The following ZSCAN12 variants were observed in gnomAD, a reference collection of about 807,000 sequenced individuals.
ZSCAN12 encodes the protein zinc finger and SCAN domain containing 12, also known as zinc finger and SCAN domain-containing protein 12.
Under a neutral mutation model 23.4 loss-of-function variants are expected in ZSCAN12, and 18 were observed. That is an observed-to-expected ratio of 0.77 (90% CI 0.53 to 1.14). The LOEUF (loss-of-function observed/expected upper bound fraction) is 1.14. Among genes scored for constraint, ZSCAN12 ranks in the 50% most tolerant of loss-of-function variants. The pLI, the probability that ZSCAN12 is intolerant of heterozygous loss-of-function variation, is 0.00. For missense variants in ZSCAN12, 650 were observed against 735.0 expected (o/e 0.88, Z 1.34); for synonymous variants, 186 against 253.4 (o/e 0.73, Z 2.53).
In ZSCAN12 at chr6:28,390,544, T is replaced by C. The variant is rs776172689; in HGVS notation, c.1746A>G (p.Val582=). The C allele has an allele frequency of 5.0e-5, 79 of 1,567,870 alleles. 2 individuals carry two copies. The South Asian group carries it at 7.0e-4, about 14-fold the overall frequency. ...QRIHNRRGTY[V]CKECGKSFRQ... is the part of the protein sequence containing the mutation. Reference sequence around the variant, plus strand: ...TGAATGATTTCCCACACTCTTTACATACATAGGTACCACGTCTATTATGGA... The same window carrying C: ...TGAATGATTTCCCACACTCTTTACACACATAGGTACCACGTCTATTATGGA... Residue 582 remains valine (V), a synonymous_variant, in exon 4 of 4, where the codon GTA becomes GTG. Coordinates refer to ENST00000684592, the MANE Select transcript of ZSCAN12 (RefSeq NM_001163391.2).
downstream of ZSCAN12, among the ~76,000 whole-genome samples, chr6:28,384,180 A>G (rs920204293): frequency 6.6e-6 from 1 of 152,194 alleles, no homozygotes; most frequent in Non-Finnish European, 1.5e-5. Flanking sequence ...GGCCAGAGGA[A>G]GCTGCAGAGT....
Position 28,390,994 on chromosome 6 carries a change from A to G in ZSCAN12, c.1296T>C (p.His432=), listed in dbSNP as rs1424817124. 4 of 1,556,060 alleles carry G rather than the reference A, an allele frequency of 2.6e-6. No individual in the cohort carries two copies. The highest frequency in any genetic ancestry group is 3.5e-6 in the Non-Finnish European group (4 of 1,149,416). ...ATTTTTCTTTGTGGTGGATTTCCTG[A>G]TGGGAAACAAGGGATGAGTTATAAA... ...AFVYNSSLVS[H]QEIHHKEKCY... is the part of the protein sequence containing the mutation. The change falls in exon 4 of 4, where the codon CAT becomes CAC. Residue 432 remains histidine (H), a synonymous_variant. Transcript: ENST00000684592.
At position 28,389,400 on chromosome 6, in the gene ZSCAN12, CTTGTG is replaced by C. The variant is rs1760703202; in HGVS notation, c.*1049_*1053del. Among the ~76,000 whole-genome samples, 2 of 152,160 alleles carry C rather than the reference CTTGTG, an allele frequency of 1.3e-5. No homozygotes were observed. The highest frequency in any genetic ancestry group is 6.5e-5 in the Admixed American group (1 of 15,274). On this transcript the variant is annotated 3_prime_UTR_variant, in exon 4 of 4. Coordinates refer to ENST00000684592, the MANE Select transcript of ZSCAN12 (RefSeq NM_001163391.2). ...GGCACATGTTCCCTGTAAGGATCTC[CTTGTG>C]CTAAAAGTCTGCAGTGGCCTTTAGT...
In ZSCAN12 at chr6:28,391,633, C is replaced by G; in HGVS notation, c.657G>C (p.Lys219Asn). 1 of 1,552,172 alleles carries G rather than the reference C, an allele frequency of 6.4e-7. No individual in the cohort carries two copies. Among genetic ancestry groups the G allele is most frequent in the East Asian group, 2.4e-5 (1 of 40,928 alleles). ...CACGAGTTTCTCCACACCTAGCAGA[C>G]TTGGACATATCATTTTCAAATTTAC... ...TSSKFENDMS[K>N]SARCGETREP... The change falls in exon 4 of 4, where the codon AAG (lysine) becomes AAC (asparagine). Residue 219 changes from lysine to asparagine, a missense_variant. Physicochemically the swap from Lys to Asn is moderately conservative, Grantham distance 94 (BLOSUM62 0). Coordinates refer to ENST00000684592, the MANE Select transcript of ZSCAN12 (RefSeq NM_001163391.2). This position sits in a 1 kb window ranked among gnomAD's most constrained non-coding sequence, Gnocchi z 4.1.
At chr6:28,395,171 G>A (rs548675142) in intron 2 of ZSCAN12, among the ~76,000 whole-genome samples, 53 of 152,118 alleles carry the variant, frequency 3.5e-4, no homozygotes, top group African/African-American at 1.2e-3. Flanking sequence ...CTGACCTCAG[G>A]TGATCTGCCC....
At chr6:28,383,402 AG>A (rs1463169628), downstream of ZSCAN12, among the ~76,000 whole-genome samples, 6 of 152,202 alleles carry the variant, frequency 3.9e-5, no homozygotes, top group African/African-American at 1.4e-4. Context: ...AAGGCCAGAA[AG>A]GTCGGTACTT....
At position 28,391,505 on chromosome 6, in the gene ZSCAN12, G is replaced by A; in HGVS notation, c.785C>T (p.Thr262Ile). The change falls in exon 4 of 4, where the codon ACT becomes ATT. Residue 262 changes from threonine (T) to isoleucine (I), a missense_variant. Thr to Ile is a moderately conservative substitution (Grantham distance 89). Transcript: ENST00000684592. This position sits in a 1 kb window ranked among gnomAD's most constrained non-coding sequence, Gnocchi z 4.1. ...TCCTGGACAGATTCTCTGATGTTCA[G>A]TATGGTCAGAGTTCTCAGTCAGGCT... Reference protein sequence around the residue: ...GVSLTENSDHTEHQRICPGEE... With the variant: ...GVSLTENSDHIEHQRICPGEE... The A allele has an allele frequency of 6.4e-7, 1 of 1,552,038 alleles. No individual in the cohort carries two copies. The highest frequency in any genetic ancestry group is 8.7e-7 in the Non-Finnish European group (1 of 1,147,070).
At chr6:28,383,428 C>G (rs151265504), downstream of ZSCAN12, among the ~76,000 whole-genome samples, 1 of 152,264 alleles carries the variant, frequency 6.6e-6, no homozygotes, top group African/African-American at 2.4e-5. Flanking sequence ...GTGCCGCTGC[C>G]GTCAACGGCT....
At chr6:28,398,617 T>G (rs1367950904) in intron 1 of ZSCAN12, 144 bp from the exon 2 acceptor site, 1 of 511,558 alleles carries the variant, frequency 2.0e-6, no homozygotes, top group Admixed American at 3.5e-5. Context: ...TAGAAAAGAC[T>G]TAAGATTAGA....
chr6:28,382,296 T>C (rs1760286634), downstream of ZSCAN12: 1 of 752,730 alleles, frequency 1.3e-6, no homozygotes, highest in Non-Finnish European at 1.9e-6. Flanking sequence ...CTAAGTCTTC[T>C]GACAGCTCTG....
In ZSCAN12 at chr6:28,389,609, TAAAC is replaced by T. The variant is rs760080054; in HGVS notation, c.*841_*844del. 2.2e-4 allele frequency among the ~76,000 whole-genome samples: 34 copies of T among 152,270 alleles called. No individual in the cohort carries two copies. Among genetic ancestry groups the T allele is most frequent in the Non-Finnish European group, 4.0e-4 (27 of 68,012 alleles). On this transcript the variant is annotated 3_prime_UTR_variant, in exon 4 of 4. Transcript: ENST00000684592. ...GAATGTGAGTGGGATTCAGGGATGTTAAACAAGCTCCAAACATGATTTTGATGTT... is the reference window on the plus strand; with the variant it reads ...GAATGTGAGTGGGATTCAGGGATGTTAAGCTCCAAACATGATTTTGATGTT...
chr6:28,385,383 T>C lies in ZSCAN12; in HGVS notation c.*5071A>G, dbSNP rs1408003749. On this transcript the variant is annotated 3_prime_UTR_variant, in exon 4 of 4. Transcript: ENST00000684592. ...TATGCTGGCCAAACCTCATCCAAGA[T>C]TTGGTATGCAGAGGGGGTGATAATA... Among the ~76,000 whole-genome samples the C allele has an allele frequency of 6.6e-6, 1 of 152,170 alleles. No individual in the cohort carries two copies. The highest frequency in any genetic ancestry group is 1.5e-5 in the Non-Finnish European group (1 of 68,028).
chr6:28,390,645 C>A lies in ZSCAN12; in HGVS notation c.1645G>T (p.Gly549Trp). Reference protein sequence around the residue: ...SLIQHQRIHTGEKPYQCDECG... With the variant: ...SLIQHQRIHTWEKPYQCDECG... ...TCATCACATTGGTAGGGCTTCTCCC[C>A]AGTGTGGATTCTCTGATGCTGAATG... The change falls in exon 4 of 4, where the codon GGG becomes TGG. Residue 549 changes from glycine to tryptophan, a missense_variant. Gly to Trp is a radical substitution (Grantham distance 184). Coordinates refer to ENST00000684592, the MANE Select transcript of ZSCAN12 (RefSeq NM_001163391.2). 6.2e-7 allele frequency: 1 copy of A among 1,613,484 alleles called. No homozygotes were observed. The highest frequency in any genetic ancestry group is 8.5e-7 in the Non-Finnish European group (1 of 1,179,728).
downstream of ZSCAN12, among the ~76,000 whole-genome samples, chr6:28,383,184 T>C (rs1760365532): frequency 6.6e-6 from 1 of 152,136 alleles, no homozygotes; most frequent in South Asian, 2.1e-4. Context: ...ATCACATAAT[T>C]TCCCCAAATG....
In ZSCAN12 at chr6:28,389,133, A is replaced by G. The variant is rs1256210554; in HGVS notation, c.*1321T>C. Among the ~76,000 whole-genome samples the G allele has an allele frequency of 1.3e-5, 2 of 152,234 alleles. No homozygotes were observed. The highest frequency in any genetic ancestry group is 2.9e-5 in the Non-Finnish European group (2 of 68,042). On this transcript the variant is annotated 3_prime_UTR_variant, in exon 4 of 4. Transcript: ENST00000684592. ...CAAGAGCCATTATTAGGGAATTCAG[A>G]ACATAGTGCTAACATGAGATCTGAG...
In ZSCAN12 at chr6:28,399,652, C is replaced by G. The variant is rs1160495082; in HGVS notation, c.-69+5G>C. 1 of 152,578 alleles carries G rather than the reference C, an allele frequency of 6.6e-6. No individual in the cohort carries two copies. The highest frequency in any genetic ancestry group is 1.9e-4 in the East Asian group (1 of 5,192). 9.5% of individuals were successfully genotyped at this position (152,578 alleles called of 1,614,324 possible). On this transcript the variant is annotated splice_donor_5th_base_variant and intron_variant, in intron 1 of 3. Coordinates refer to ENST00000684592, the MANE Select transcript of ZSCAN12 (RefSeq NM_001163391.2). The stretch of plus-strand genomic sequence containing the variant: ...TCGCAGCGTACAGAGCACAACATCG[C>G]TCACCTGCGGCCCCCAGGGCCAGAA...
rs1045142365 is a variant in ZSCAN12, at chr6:28,384,814, C to T, written c.*5640G>A. 2.6e-5 allele frequency among the ~76,000 whole-genome samples: 4 copies of T among 152,098 alleles called. No individual in the cohort carries two copies. The highest frequency in any genetic ancestry group is 7.2e-5 in the African/African-American group (3 of 41,416). ...TAATGTGTGAGGACTCCTTACCAAA[C>T]GCACACAGAACGTTTGAGAGGGAGA... is the stretch of plus-strand genomic sequence containing the variant. On this transcript the variant is annotated 3_prime_UTR_variant, in exon 4 of 4. Coordinates refer to ENST00000684592, the MANE Select transcript of ZSCAN12 (RefSeq NM_001163391.2).
chr6:28,399,614 C>T (rs1761311628), intron 1 of ZSCAN12, 43 bp downstream of exon 1: 1 of 152,474 alleles, frequency 6.6e-6, no homozygotes, highest in South Asian at 2.1e-4. Context: ...ACAGCAATCT[C>T]CCGCCCACCT....
chr6:28,383,617 A>G (rs2113960832), downstream of ZSCAN12, among the ~76,000 whole-genome samples: 1 of 152,238 alleles, frequency 6.6e-6, no homozygotes, highest in African/African-American at 2.4e-5. Flanking sequence ...CCAGCTGCAG[A>G]ACGTCGGAAG....
Sources: gnomAD v4.1 joint callset for allele counts (sites outside exome capture counted in the v4.1 genomes callset) on GRCh38, gnomAD v4.1.1 for gene constraint, Gnocchi (gnomAD v3.1) non-coding constraint, MANE v1.5 for transcripts, NCBI Gene and HGNC (gene_info 2026-07-23, HGNC 2026-07-21) for gene names.